The following ROBO1 variants were observed in gnomAD, a reference collection of about 807,000 sequenced individuals.
The protein encoded by ROBO1 is roundabout homolog 1.
A neutral mutation model predicts 195.9 loss-of-function variants in ROBO1; 149 were observed. The ratio of observed to expected loss-of-function variants is 0.76; its 90% CI spans 0.67 to 0.87. The LOEUF is 0.87. Among genes scored for constraint, ROBO1 ranks in the 40% least tolerant of loss-of-function variants. The probability of loss-of-function intolerance (pLI) is 0.00; values close to 1 mark genes in which losing one functional copy is unlikely to be tolerated. For synonymous variants in ROBO1, 816 were observed against 733.2 expected (o/e 1.11, Z -1.82); for missense variants, 1,933 against 2,068.3 (o/e 0.93, Z 1.27).
At chr3:78,880,313 C>G (rs1426686638) in intron 4 of ROBO1, among the ~76,000 whole-genome samples, 1 of 152,028 alleles carries the variant, frequency 6.6e-6, no homozygotes, top group African/African-American at 2.4e-5. Context: ...AATATGTCCA[C>G]AAAACAAGAG....
intron 3 of ROBO1, among the ~76,000 whole-genome samples, chr3:79,020,692 T>TTAAA (rs552434359): frequency 2.0e-3 from 301 of 152,182 alleles, no homozygotes; most frequent in East Asian, 0.015. Flanking sequence ...AGACTCCGTC[T>TTAAA]TAAATAAATA....
At chr3:78,618,709 GTTAT>G (rs1704273307) in intron 26 of ROBO1, among the ~76,000 whole-genome samples, 1 of 151,878 alleles carries the variant, frequency 6.6e-6, no homozygotes, top group Non-Finnish European at 1.5e-5. Flanking sequence ...TGCATTTATT[GTTAT>G]TCTATCTTTT....
intron 2 of ROBO1, among the ~76,000 whole-genome samples, chr3:79,514,306 G>T (rs914053436): frequency 2.0e-5 from 3 of 152,130 alleles, no homozygotes; most frequent in Admixed American, 1.3e-4. Flanking sequence ...CGTGGTGTGC[G>T]GGGGTGGAGG....
intron 5 of ROBO1, among the ~76,000 whole-genome samples, chr3:78,743,310 AGTG>A (rs962335791): frequency 5.3e-5 from 8 of 151,784 alleles, no homozygotes; most frequent in Non-Finnish European, 8.8e-5. Flanking sequence ...TGTTAAATCC[AGTG>A]GTGAATTCTT....
chr3:79,654,131 A>G (rs1428188463), intron 1 of ROBO1, among the ~76,000 whole-genome samples: 1 of 152,018 alleles, frequency 6.6e-6, no homozygotes. Context: ...AAGGATAGAT[A>G]TATTACTCCG....
chr3:79,390,465 A>G (rs1479534982), intron 2 of ROBO1, among the ~76,000 whole-genome samples: 2 of 152,182 alleles, frequency 1.3e-5, no homozygotes, highest in Non-Finnish European at 2.9e-5. Context: ...AGACACCAGA[A>G]AAAAAAGAAG....
At chr3:79,375,403 T>G (rs1177968397) in intron 2 of ROBO1, among the ~76,000 whole-genome samples, 2 of 152,138 alleles carry the variant, frequency 1.3e-5, no homozygotes, top group Non-Finnish European at 2.9e-5. Flanking sequence ...ATGATGGGAT[T>G]TTTACTATTC....
chr3:79,058,996 G>T (rs536823657), intron 3 of ROBO1, among the ~76,000 whole-genome samples: 24 of 152,130 alleles, frequency 1.6e-4, no homozygotes, highest in African/African-American at 5.8e-4. Context: ...ACCCAAATGT[G>T]GAATTCTCAA....
At chr3:79,595,566 T>A (rs763078170) in intron 1 of ROBO1, among the ~76,000 whole-genome samples, 5 of 151,810 alleles carry the variant, frequency 3.3e-5, no homozygotes, top group Non-Finnish European at 5.9e-5. Flanking sequence ...TTTGTCTTCA[T>A]TTCCAGGTAA....
intron 18 of ROBO1, among the ~76,000 whole-genome samples, chr3:78,655,443 A>C (rs867913941): frequency 6.6e-6 from 1 of 152,242 alleles, no homozygotes; most frequent in East Asian, 1.9e-4. Flanking sequence ...CCCCTGCTAC[A>C]GGCCCAGGGT....
chr3:78,661,142 C>T lies in ROBO1; in HGVS notation c.2208G>A (p.Val736=), dbSNP rs766491163. Residue 736 remains valine, a synonymous_variant, in exon 16 of 31, where the codon GTG becomes GTA. Coordinates refer to ENST00000464233, the MANE Select transcript of ROBO1 (RefSeq NM_002941.4). ...FEVRTPAKNS[V]VIPDLRKGVN... The stretch of plus-strand genomic sequence containing the variant: ...CTCCCTTTCTGAGATCAGGGATTAC[C>T]ACACTGTTTTTGGCTGGCGTCCTCA... 1 of 1,613,450 alleles carries T rather than the reference C, an allele frequency of 6.2e-7. No individual in the cohort carries two copies. The highest frequency in any genetic ancestry group is 1.3e-5 in the African/African-American group (1 of 74,822).
intron 3 of ROBO1, among the ~76,000 whole-genome samples, chr3:78,977,603 T>C (rs978880140): frequency 2.1e-4 from 32 of 149,292 alleles, no homozygotes; most frequent in Admixed American, 6.0e-4. Flanking sequence ...ATATATATAA[T>C]ATATATTTTA....
chr3:79,720,358 A>G (rs1186419519), intron 1 of ROBO1, among the ~76,000 whole-genome samples: 1 of 152,164 alleles, frequency 6.6e-6, no homozygotes, highest in Non-Finnish European at 1.5e-5. Context: ...CCTTTTGCCA[A>G]CATCAACTGC....
At chr3:79,063,017 G>A (rs762334736) in intron 3 of ROBO1, among the ~76,000 whole-genome samples, 94 of 151,876 alleles carry the variant, frequency 6.2e-4, no homozygotes, top group South Asian at 2.5e-3. Flanking sequence ...ATGACCTTCC[G>A]TTGTCCTCTA....
At chr3:78,885,320 T>A (rs1471864170) in intron 4 of ROBO1, among the ~76,000 whole-genome samples, 5 of 142,726 alleles carry the variant, frequency 3.5e-5, no homozygotes, top group Middle Eastern at 3.9e-3. Flanking sequence ...CTAGGCTTAA[T>A]ACCTAGATAA....
At chr3:78,625,527 G>A (rs1295583132) in intron 26 of ROBO1, among the ~76,000 whole-genome samples, 16 of 152,196 alleles carry the variant, frequency 1.1e-4, no homozygotes, top group Non-Finnish European at 2.1e-4. Context: ...GCATTCAGGA[G>A]AAGGGACTAG....
chr3:79,168,154 C>T (rs927844044), intron 2 of ROBO1, among the ~76,000 whole-genome samples: 1 of 152,122 alleles, frequency 6.6e-6, no homozygotes, highest in Non-Finnish European at 1.5e-5. Flanking sequence ...GCTGGCACAA[C>T]CCTATCGGCC....
intron 2 of ROBO1, among the ~76,000 whole-genome samples, chr3:79,310,619 A>G (rs1248694406): frequency 1.3e-5 from 2 of 152,206 alleles, no homozygotes; most frequent in Non-Finnish European, 2.9e-5. Flanking sequence ...CAAAATGGCT[A>G]GAAAAATTTT....
intron 1 of ROBO1, among the ~76,000 whole-genome samples, chr3:79,710,932 A>T (rs562255730): frequency 1.3e-5 from 2 of 152,238 alleles, no homozygotes; most frequent in African/African-American, 4.8e-5. Context: ...CCCAGTGTAT[A>T]AAGGATCTTT....
Sources: allele counts gnomAD v4.1 joint callset (sites outside exome capture counted in the v4.1 genomes callset), GRCh38; gene constraint gnomAD v4.1.1; transcripts MANE v1.5; gene names NCBI Gene and HGNC (gene_info 2026-07-23, HGNC 2026-07-21).